SASH1: variants seen among roughly 807,000 people sequenced by gnomAD.
SASH1 encodes the protein SAM and SH3 domain containing 1, also known as SAM and SH3 domain-containing protein 1.
SASH1 carries 44 observed loss-of-function variants against 125.2 expected under a neutral mutation model. The ratio of observed to expected loss-of-function variants is 0.35; its 90% CI spans 0.28 to 0.45. SASH1 has a LOEUF of 0.45. Among genes scored for constraint, SASH1 ranks in the 20% least tolerant of loss-of-function variants. The pLI is 1.00. For synonymous variants in SASH1, 639 were observed against 649.1 expected (o/e 0.98, Z 0.24); for missense variants, 1,426 against 1,614.5 (o/e 0.88, Z 2.00).
At chr6:148,301,200 C>T (rs972089199) in intron 1 of SASH1, among the ~76,000 whole-genome samples, 1 of 151,596 alleles carries the variant, frequency 6.6e-6, no homozygotes. Flanking sequence ...GTGGTGCATG[C>T]CTGTAATCCC....
chr6:148,534,882 G>T lies in SASH1; in HGVS notation c.2076G>T (p.Glu692Asp). ...GAGCTGTTCTCTTGACAGCAGTGGA[G>T]CTGTTACAAGAGTATGACAGTAAGT... ...EHRAVLLTAV[E>D]LLQEYDSNSD... Residue 692 changes from glutamate (E) to aspartate (D), a missense_variant, in exon 16 of 20, where the codon GAG (glutamate) becomes GAT (aspartate). Glu to Asp is a conservative substitution (Grantham distance 45). This residue lies in a region of SASH1 where 225 missense variants were observed against 344.5 expected (regional missense o/e 0.65). Coordinates refer to ENST00000367467, the MANE Select transcript of SASH1 (RefSeq NM_015278.5). 4.3e-6 allele frequency: 7 copies of T among 1,614,258 alleles called. No homozygotes were observed. Among genetic ancestry groups the T allele is most frequent in the Non-Finnish European group, 5.1e-6 (6 of 1,180,044 alleles).
At chr6:148,199,387 A>AC in the SASH1 span, among the ~76,000 whole-genome samples, 1 of 151,582 alleles carries the variant, frequency 6.6e-6, no homozygotes, top group Non-Finnish European at 1.5e-5. Context: ...AAAAAAAAAA[A>AC]AAAACTGAGC....
chr6:148,467,237 C>A (rs1404192721), intron 4 of SASH1, among the ~76,000 whole-genome samples: 1 of 152,014 alleles, frequency 6.6e-6, no homozygotes, highest in Non-Finnish European at 1.5e-5. Context: ...GCTAGGATTA[C>A]AGGCCTGTGC....
intron 8 of SASH1, chr6:148,508,816 GGGGGTGGGA>G (rs1562467590): frequency 1.1e-5 from 9 of 820,256 alleles, no homozygotes; most frequent in Non-Finnish European, 1.6e-5. Context: ...GAGTGGGGAG[GGGGGTGGGA>G]GGTACAGGAC....
In SASH1 at chr6:148,441,768, T is replaced by TA. The variant is rs1304578349; in HGVS notation, c.386+1362dup. Reference sequence around the variant, plus strand: ...TGACTCACCAAATTTGTACTAACCTTAGTTAGGCTGGGTAGTACTTCTTCC... The same window carrying TA: ...TGACTCACCAAATTTGTACTAACCTTAAGTTAGGCTGGGTAGTACTTCTTCC... On this transcript the variant is annotated intron_variant, in intron 4 of 19. Coordinates refer to ENST00000367467, the MANE Select transcript of SASH1 (RefSeq NM_015278.5). Among the ~76,000 whole-genome samples, 4 of 152,274 alleles carry TA rather than the reference T, an allele frequency of 2.6e-5. No individual in the cohort carries two copies. The East Asian group carries it at 7.7e-4, about 29-fold the overall frequency.
chr6:148,548,273 T>C, intron 19 of SASH1, 22 bp from the exon 20 acceptor site: 1 of 1,594,398 alleles, frequency 6.3e-7, no homozygotes, highest in South Asian at 1.1e-5. Context: ...GTTTCTATCA[T>C]ATTCTTTCTT....
At chr6:148,515,524 G>A (rs943476099) in intron 9 of SASH1, among the ~76,000 whole-genome samples, 2 of 152,178 alleles carry the variant, frequency 1.3e-5, no homozygotes, top group African/African-American at 4.8e-5. Flanking sequence ...GTAACTGTGA[G>A]AGAATGGGGA....
chr6:148,488,634 A>C (rs1373132441), intron 8 of SASH1, among the ~76,000 whole-genome samples: 1 of 152,248 alleles, frequency 6.6e-6, no homozygotes, highest in East Asian at 1.9e-4. Context: ...CAAAAGTTCC[A>C]AATTCTTGCC....
intron 10 of SASH1, among the ~76,000 whole-genome samples, chr6:148,523,423 T>A (rs1013908298): frequency 6.6e-6 from 1 of 152,224 alleles, no homozygotes; most frequent in Non-Finnish European, 1.5e-5. Flanking sequence ...GGTGAATATA[T>A]TTGTGTAGAA....
At chr6:148,421,599 C>G (rs191023400) in intron 2 of SASH1, among the ~76,000 whole-genome samples, 13 of 152,354 alleles carry the variant, frequency 8.5e-5, no homozygotes, top group East Asian at 3.9e-4. Context: ...CCACTGTGCC[C>G]AGCCAGGGCC....
At chr6:148,421,860 C>T (rs1785119553) in intron 2 of SASH1, among the ~76,000 whole-genome samples, 1 of 152,202 alleles carries the variant, frequency 6.6e-6, no homozygotes, top group Non-Finnish European at 1.5e-5. Flanking sequence ...CCTTATTTGT[C>T]TGACCCATCT....
chr6:148,330,129 TC>T (rs1780948160), intron 1 of SASH1, among the ~76,000 whole-genome samples: 1 of 152,206 alleles, frequency 6.6e-6, no homozygotes, highest in Non-Finnish European at 1.5e-5. Flanking sequence ...CACATACTTT[TC>T]CCAGAATGTT....
At chr6:148,432,433 A>C (rs1303929706) in intron 2 of SASH1, among the ~76,000 whole-genome samples, 1 of 152,204 alleles carries the variant, frequency 6.6e-6, no homozygotes, top group Non-Finnish European at 1.5e-5. Context: ...GATAAAAAAA[A>C]CGTAAATCTG....
At chr6:148,499,091 T>C (rs955569897) in intron 8 of SASH1, among the ~76,000 whole-genome samples, 1 of 146,372 alleles carries the variant, frequency 6.8e-6, no homozygotes, top group Non-Finnish European at 1.5e-5. Flanking sequence ...GGAGTCTCAC[T>C]CTGTCGCCCA....
At chr6:148,410,696 G>A (rs556185246) in intron 2 of SASH1, among the ~76,000 whole-genome samples, 6 of 152,276 alleles carry the variant, frequency 3.9e-5, no homozygotes, top group African/African-American at 1.4e-4. Context: ...GTGACATTCC[G>A]TAGTAAACAG....
intron 4 of SASH1, among the ~76,000 whole-genome samples, chr6:148,457,328 G>C (rs1297071167): frequency 6.6e-6 from 1 of 152,060 alleles, no homozygotes. Flanking sequence ...TGTGGTTTTG[G>C]CTTTCGGCTC....
At chr6:148,385,187 T>G (rs1304491634) in intron 1 of SASH1, among the ~76,000 whole-genome samples, 1 of 151,974 alleles carries the variant, frequency 6.6e-6, no homozygotes, top group Non-Finnish European at 1.5e-5. Context: ...TTATCTGGAG[T>G]GAGGAGTGGC....
chr6:148,234,568 G>T, the SASH1 span, among the ~76,000 whole-genome samples: 952 of 152,202 alleles, frequency 6.3e-3, 7 homozygotes, highest in African/African-American at 0.022. Context: ...GCTCACACCT[G>T]TAATGCCAGC....
At chr6:148,203,515 A>C in the SASH1 span, among the ~76,000 whole-genome samples, 1 of 152,166 alleles carries the variant, frequency 6.6e-6, no homozygotes, top group Non-Finnish European at 1.5e-5. Context: ...TTTTGCATAT[A>C]CAGACTGAGT....
Sources: gnomAD v4.1 joint callset for allele counts (sites outside exome capture counted in the v4.1 genomes callset) on GRCh38, gnomAD v4.1.1 for gene constraint, gnomAD v4.1.1 regional missense constraint, MANE v1.5 for transcripts, NCBI Gene and HGNC (gene_info 2026-07-23, HGNC 2026-07-21) for gene names.